The following XCL2 variants were observed in gnomAD, a reference collection of about 807,000 sequenced individuals.
XCL2 encodes the protein X-C motif chemokine ligand 2, also known as cytokine SCM-1 beta.
XCL2 carries 8 observed loss-of-function variants against 7.2 expected under a neutral mutation model. The ratio of observed to expected loss-of-function variants is 1.10; its 90% confidence interval spans 0.65 to 1.99. XCL2 has a LOEUF of 1.99. Among genes scored for constraint, XCL2 ranks in the 30% most tolerant of loss-of-function variants. XCL2 has a pLI of 0.00. For synonymous variants in XCL2, 46 were observed against 54.2 expected, an observed-to-expected ratio of 0.85 and a Z score of 0.67; for missense variants, 131 against 138.6, an observed-to-expected ratio of 0.94 and a Z score of 0.28.
rs746389958 is a variant in XCL2 at position 168,541,984 on chromosome 1, C to G, written c.176+9G>C. 3 of 1,609,822 alleles carry G rather than the reference C, an allele frequency of 1.9e-6. No homozygotes were observed. Among genetic ancestry groups the G allele is most frequent in the Non-Finnish European group, 2.5e-6 (3 of 1,177,846 alleles). ...CCACCCAGCCCAACTTCTGAGGAGGCAGACTCACATTACTGCTCTCAAGGA... is the reference window on the plus strand; with the variant it reads ...CCACCCAGCCCAACTTCTGAGGAGGGAGACTCACATTACTGCTCTCAAGGA... On this transcript the variant is annotated intron_variant, in intron 2 of 2. Transcript: ENST00000367819.
In XCL2 at chr1:168,540,853, C is replaced by G; in HGVS notation, c.*99G>C. On this transcript the variant is annotated 3_prime_UTR_variant, in exon 3 of 3. Transcript: ENST00000367819. ...AAAAATACAAAGGAATAATTTTATT[C>G]ATGCAGTGCTTTCATAAAAGGTGAG... The G allele has an allele frequency of 7.4e-7, 1 of 1,350,984 alleles. No individual in the cohort carries two copies. The highest frequency in any genetic ancestry group is 9.9e-7 in the Non-Finnish European group (1 of 1,010,092). 83.7% of individuals were successfully genotyped at this position (1,350,984 alleles called of 1,614,324 possible).
In XCL2 at chr1:168,541,162, C is replaced by G. The variant is rs577192602; in HGVS notation, c.177-42G>C. The G allele has an allele frequency of 1.9e-6, 3 of 1,606,850 alleles. No individual in the cohort carries two copies. The highest frequency in any genetic ancestry group is 1.3e-5 in the African/African-American group (1 of 74,872). On this transcript the variant is annotated intron_variant, in intron 2 of 2. Coordinates refer to ENST00000367819, the MANE Select transcript of XCL2 (RefSeq NM_003175.4). ...AGACAGATGAAGTTAGCCACGTTCT[C>G]AAAGCCTCAGGGTCAGGAGTTAAGA...
rs145573734 is a variant in XCL2, at chr1:168,542,184, T to C, written c.62-77A>G. On this transcript the variant is annotated intron_variant, in intron 1 of 2. Transcript: ENST00000367819. Reference sequence around the variant, plus strand: ...ATCACAGGAACAATCGTCTGTTAAATTACTCTGAGAATGTTGTGAGAATAT... The same window carrying C: ...ATCACAGGAACAATCGTCTGTTAAACTACTCTGAGAATGTTGTGAGAATAT... 347 of 1,277,980 alleles carry C rather than the reference T, an allele frequency of 2.7e-4. 2 individuals are homozygous for C. The African/African-American group carries it at 4.6e-3, about 17-fold the overall frequency. The allele number at this position is 1,277,980 out of a possible 1,614,324, so 79.2% of individuals were successfully genotyped here. A position where few individuals can be genotyped will look rare whatever the true frequency, so the allele number is the denominator to read the frequency against.
intron 1 of XCL2, chr1:168,543,147 G>C (rs1558246974): frequency 3.1e-6 from 1 of 317,820 alleles, no homozygotes; most frequent in Non-Finnish European, 5.9e-6. Context: ...CCTGTTCTTT[G>C]AGCAGGGGTT....
chr1:168,542,086 T>G lies in XCL2; in HGVS notation c.83A>C (p.His28Pro). 1.1e-5 allele frequency: 17 copies of G among 1,540,660 alleles called. 3 individuals are homozygous for G. Among genetic ancestry groups the G allele is most frequent in the Non-Finnish European group, 1.5e-5 (17 of 1,136,396 alleles). ...IVEGVGSEVS[H>P]RRTCVSLTTQ... ...AGTGAGGCTCACACAGGTCCTCCTA[T>G]GTGAGACTTCACTCCCTACACCTGA... is the stretch of plus-strand genomic sequence containing the variant. The change falls in exon 2 of 3, where the codon CAT becomes CCT. Residue 28 changes from histidine to proline, a missense_variant. Physicochemically the swap from His to Pro is moderately conservative, Grantham distance 77. Transcript: ENST00000367819.
chr1:168,543,055 A>C (rs562856685), intron 1 of XCL2: 1 of 381,224 alleles, frequency 2.6e-6, no homozygotes, highest in East Asian at 9.5e-5. Flanking sequence ...GACCAGAGAC[A>C]AAGCAAGAGA....
At chr1:168,542,310 A>G (rs1654304680) in intron 1 of XCL2, among the ~76,000 whole-genome samples, 2 of 151,926 alleles carry the variant, frequency 1.3e-5, no homozygotes, top group African/African-American at 4.8e-5. Flanking sequence ...TAAAAACTCA[A>G]TCAACAGAAT....
rs1654302952 is a variant in XCL2, at chr1:168,542,215, C to T, written c.62-108G>A. 3.0e-6 allele frequency: 3 copies of T among 985,102 alleles called. No individual in the cohort carries two copies. In the East Asian group the frequency reaches 9.2e-5, roughly 30 times the overall value. The allele number at this position is 985,102 out of a possible 1,614,324, so 61.0% of individuals were successfully genotyped here. On this transcript the variant is annotated intron_variant, in intron 1 of 2. Transcript: ENST00000367819. ...TGAGAATGTTGTGAGAATATAAGGCCATTTGCTTTTTGGGGGAAGAGAGGA... is the reference window on the plus strand; with the variant it reads ...TGAGAATGTTGTGAGAATATAAGGCTATTTGCTTTTTGGGGGAAGAGAGGA...
At position 168,543,977 on chromosome 1, in the gene XCL2, G is replaced by C. The variant is rs375447667; in HGVS notation, c.-13C>G. The C allele has an allele frequency of 1.7e-5, 27 of 1,600,148 alleles. No individual in the cohort carries two copies. The highest frequency in any genetic ancestry group is 2.2e-5 in the South Asian group (2 of 89,820). On this transcript the variant is annotated 5_prime_UTR_variant, in exon 1 of 3. Transcript: ENST00000367819. ...TGAGAAGTCTCATGGCTGAGGTCCC[G>C]CTGAGCTGTGCAGGGAGAGTGAGGA...
Position 168,543,838 on chromosome 1 carries a change from C to T in XCL2, c.61+66G>A, listed in dbSNP as rs1164590272. The T allele has an allele frequency of 3.7e-6, 6 of 1,606,548 alleles. No individual in the cohort carries two copies. The Admixed American group carries it at 1.0e-4, about 27-fold the overall frequency. On this transcript the variant is annotated intron_variant, in intron 1 of 2. Coordinates refer to ENST00000367819, the MANE Select transcript of XCL2 (RefSeq NM_003175.4). ...TAGTCCAGTCAAAACCCGAGTCAAA[C>T]CCAAAATGTGTGCCCACCTGCCTTG... is the stretch of plus-strand genomic sequence containing the variant.
In XCL2 at chr1:168,540,982, C is replaced by G. The variant is rs532079845; in HGVS notation, c.315G>C (p.Ser105=). The G allele has an allele frequency of 6.2e-7, 1 of 1,613,462 alleles. No homozygotes were observed. Among genetic ancestry groups the G allele is most frequent in the African/African-American group, 1.3e-5 (1 of 74,874 alleles). Residue 105 remains serine (S), a synonymous_variant, in exon 3 of 3, where the codon TCG becomes TCC. Coordinates refer to ENST00000367819, the MANE Select transcript of XCL2 (RefSeq NM_003175.4). ...CAGTCAGGGTCACAGCTGTATTGGT[C>G]GATTGCTGGGTTCCTGTTGGCTTGG... ...IQTKPTGTQQ[S]TNTAVTLTG
chr1:168,540,876 G>C lies in XCL2; in HGVS notation c.*76C>G. 2.0e-6 allele frequency: 3 copies of C among 1,497,658 alleles called. No homozygotes were observed. Among genetic ancestry groups the C allele is most frequent in the Non-Finnish European group, 2.7e-6 (3 of 1,117,876 alleles). 92.8% of individuals were successfully genotyped at this position (1,497,658 alleles called of 1,614,324 possible). On this transcript the variant is annotated 3_prime_UTR_variant, in exon 3 of 3. Coordinates refer to ENST00000367819, the MANE Select transcript of XCL2 (RefSeq NM_003175.4). ...TTCATGCAGTGCTTTCATAAAAGGTGAGTATAATCTCAGTCCATGAGGGTG... is the reference window on the plus strand; with the variant it reads ...TTCATGCAGTGCTTTCATAAAAGGTCAGTATAATCTCAGTCCATGAGGGTG...
intron 2 of XCL2, 91 bp downstream of exon 2, chr1:168,541,902 T>C (rs1023998592): frequency 9.4e-6 from 11 of 1,172,380 alleles, no homozygotes; most frequent in Non-Finnish European, 1.3e-5. Context: ...TATGCTGACC[T>C]ACTTTTCCTG....
chr1:168,541,005 T>G lies in XCL2; in HGVS notation c.292A>C (p.Lys98Gln). The change falls in exon 3 of 3, where the codon AAG becomes CAG. Residue 98 changes from lysine to glutamine, a missense_variant. Physicochemically the swap from Lys to Gln is moderately conservative, Grantham distance 53 (BLOSUM62 1). Transcript: ENST00000367819. ...GTCGATTGCTGGGTTCCTGTTGGCT[T>G]GGTCTGGATCATGTTATTTCTGGTG... ...SNTRNNMIQT[K>Q]PTGTQQSTNT... The G allele has an allele frequency of 1.2e-6, 2 of 1,613,714 alleles. No individual in the cohort carries two copies. The highest frequency in any genetic ancestry group is 8.5e-7 in the Non-Finnish European group (1 of 1,179,710).
intron 2 of XCL2, 68 bp from the exon 3 acceptor site, chr1:168,541,188 T>A: frequency 6.3e-7 from 1 of 1,582,510 alleles, no homozygotes; most frequent in Non-Finnish European, 8.6e-7. Flanking sequence ...GGAGTTAAGA[T>A]CAGGGCAGAC....
chr1:168,541,100 A>G lies in XCL2; in HGVS notation c.197T>C (p.Leu66Pro). 1 of 1,613,624 alleles carries G rather than the reference A, an allele frequency of 6.2e-7. No individual in the cohort carries two copies. Among genetic ancestry groups the G allele is most frequent in the Non-Finnish European group, 8.5e-7 (1 of 1,179,660 alleles). ...GGCTTGTGGATCAGCACAGACTTTT[A>G]GGCCACGTTTGGTAATAAAACTGTA... is the stretch of plus-strand genomic sequence containing the variant. ...RAVIFITKRG[L>P]KVCADPQATW... The change falls in exon 3 of 3, where the codon CTA becomes CCA. Residue 66 changes from leucine to proline, a missense_variant. Physicochemically the swap from Leu to Pro is moderately conservative, Grantham distance 98. Coordinates refer to ENST00000367819, the MANE Select transcript of XCL2 (RefSeq NM_003175.4).
chr1:168,542,156 C>T, intron 1 of XCL2, 49 bp from the exon 2 acceptor site: 1 of 1,425,148 alleles, frequency 7.0e-7, no homozygotes, highest in Admixed American at 2.2e-5. Flanking sequence ...AGCAATTACC[C>T]AGATCACAGG....
intron 2 of XCL2, among the ~76,000 whole-genome samples, chr1:168,541,468 T>A (rs868763991): frequency 9.9e-5 from 15 of 152,070 alleles, no homozygotes; most frequent in Admixed American, 5.9e-4. Flanking sequence ...TTATTTTTTT[T>A]AAAAAGGTGA....
At chr1:168,541,933 G>C in intron 2 of XCL2, 60 bp downstream of exon 2, 1 of 1,511,222 alleles carries the variant, frequency 6.6e-7, no homozygotes, top group Non-Finnish European at 9.0e-7. Context: ...CATTTCTATA[G>C]AGTGTATTTC....
Sources: gnomAD v4.1 joint callset for allele counts (sites outside exome capture counted in the v4.1 genomes callset) on GRCh38, gnomAD v4.1.1 for gene constraint, MANE v1.5 for transcripts, NCBI Gene and HGNC (gene_info 2026-07-23, HGNC 2026-07-21) for gene names.